Variants in PTPRN2 observed in about 807,000 individuals in gnomAD.
PTPRN2 encodes protein tyrosine phosphatase receptor type N2, also known as receptor-type tyrosine-protein phosphatase N2.
A neutral mutation model predicts 118.8 loss-of-function variants in PTPRN2; 74 were observed. That is an observed-to-expected ratio of 0.62 (90% CI 0.52 to 0.76). PTPRN2 has a LOEUF of 0.76. PTPRN2 is among the 30% of genes least tolerant of loss of function. PTPRN2 has a pLI of 0.00. For synonymous variants in PTPRN2, 641 were observed against 608.0 expected (o/e 1.05, Z -0.80); for missense variants, 1,481 against 1,394.4 (o/e 1.06, Z -0.99).
At chr7:158,100,141 C>T (rs1247540584) in intron 10 of PTPRN2, among the ~76,000 whole-genome samples, 1 of 151,828 alleles carries the variant, frequency 6.6e-6, no homozygotes, top group Non-Finnish European at 1.5e-5. Context: ...TTTGGTTTTC[C>T]ATTCCTGAGT....
chr7:157,775,472 C>T (rs1803145405), intron 12 of PTPRN2, among the ~76,000 whole-genome samples: 1 of 152,236 alleles, frequency 6.6e-6, no homozygotes, highest in African/African-American at 2.4e-5. Flanking sequence ...ACCCACAGGG[C>T]GGAGGCGGCA....
intron 3 of PTPRN2, among the ~76,000 whole-genome samples, chr7:158,315,263 CCCCCT>C (rs1802213255): frequency 9.1e-6 from 1 of 109,784 alleles, no homozygotes; most frequent in African/African-American, 3.4e-5. Context: ...GAACCCGGGA[CCCCCT>C]GAAGGACAGA....
chr7:157,675,897 A>T (rs989456572), intron 13 of PTPRN2, among the ~76,000 whole-genome samples: 2 of 152,186 alleles, frequency 1.3e-5, no homozygotes, highest in Non-Finnish European at 2.9e-5. Context: ...CCTTTCTTCC[A>T]TGAATTTCAC....
At chr7:158,211,727 G>A (rs933478111) in intron 3 of PTPRN2, among the ~76,000 whole-genome samples, 2 of 152,244 alleles carry the variant, frequency 1.3e-5, no homozygotes, top group Non-Finnish European at 2.9e-5. Context: ...AAATGCTGGC[G>A]AGGATATAGG....
chr7:158,133,143 A>T (rs558660558), intron 9 of PTPRN2, among the ~76,000 whole-genome samples: 24 of 152,278 alleles, frequency 1.6e-4, no homozygotes, highest in African/African-American at 5.8e-4. Flanking sequence ...CTTCCTTCTG[A>T]AGGGCGCCCA....
At chr7:158,377,990 T>C (rs1289991362) in intron 2 of PTPRN2, among the ~76,000 whole-genome samples, 1 of 152,140 alleles carries the variant, frequency 6.6e-6, no homozygotes, top group Admixed American at 6.5e-5. Context: ...TGGCGCTAGC[T>C]CCGGGTTTTC....
intron 6 of PTPRN2, among the ~76,000 whole-genome samples, chr7:158,164,982 C>A (rs1822797209): frequency 1.1e-5 from 1 of 92,838 alleles, no homozygotes; most frequent in African/African-American, 3.4e-5. Flanking sequence ...TGAAGACCCC[C>A]TGATAGCGTC....
At chr7:157,776,225 CCTT>C (rs1486632113) in intron 12 of PTPRN2, among the ~76,000 whole-genome samples, 34 of 140,626 alleles carry the variant, frequency 2.4e-4, no homozygotes, top group African/African-American at 6.1e-4. Flanking sequence ...TCCTCCTCCT[CCTT>C]CTCATCTTCC....
In PTPRN2 at chr7:158,298,495, A is replaced by G. The variant is rs1586166183; in HGVS notation, c.277+18324T>C. On this transcript the variant is annotated intron_variant, in intron 3 of 22. Transcript: ENST00000389418. ...CATGAAATTACTTGTGTTTCCTTAT[A>G]CCTTATATAGAAGGCCTGAAGGTAA... 2.6e-5 allele frequency among the ~76,000 whole-genome samples: 4 copies of G among 152,342 alleles called. No individual in the cohort carries two copies. In the Middle Eastern group the frequency reaches 0.014, roughly 518 times the overall value.
At chr7:158,150,047 G>C (rs1247632608) in intron 6 of PTPRN2, among the ~76,000 whole-genome samples, 1 of 152,232 alleles carries the variant, frequency 6.6e-6, no homozygotes, top group African/African-American at 2.4e-5. Context: ...TCAAGGGCAT[G>C]AATGATAAGA....
At chr7:158,096,668 A>G (rs915844825) in intron 10 of PTPRN2, among the ~76,000 whole-genome samples, 3 of 152,236 alleles carry the variant, frequency 2.0e-5, no homozygotes, top group African/African-American at 7.2e-5. Context: ...TGCTTGTAAT[A>G]TTCAGACAGG....
At chr7:158,424,948 T>C (rs182534235) in intron 2 of PTPRN2, among the ~76,000 whole-genome samples, 3 of 152,084 alleles carry the variant, frequency 2.0e-5, no homozygotes, top group Non-Finnish European at 2.9e-5. Context: ...TAATCTCCCA[T>C]ACCAGCTCAC....
intron 11 of PTPRN2, among the ~76,000 whole-genome samples, chr7:158,066,961 A>G (rs939221025): frequency 3.3e-5 from 5 of 152,172 alleles, no homozygotes; most frequent in African/African-American, 7.2e-5. Flanking sequence ...AATATCAGCA[A>G]ATCCCACAAA....
intron 2 of PTPRN2, among the ~76,000 whole-genome samples, chr7:158,329,747 A>G (rs1395583997): frequency 6.6e-6 from 1 of 152,194 alleles, no homozygotes; most frequent in Non-Finnish European, 1.5e-5. Context: ...AGGGAGGTTA[A>G]GGAACTTGCT....
intron 12 of PTPRN2, among the ~76,000 whole-genome samples, chr7:157,882,529 A>G (rs1796197797): frequency 1.3e-5 from 2 of 151,796 alleles, no homozygotes; most frequent in Non-Finnish European, 2.9e-5. Context: ...GTCAAAGACC[A>G]GAACATGCCA....
In PTPRN2 at chr7:157,764,363, G is replaced by A. The variant is rs1802323961; in HGVS notation, c.1789-81426C>T. ...CAATGGAAGAAAAGATAAACATCAT[G>A]TGGTCCACCCACACATGGGAATATT... On this transcript the variant is annotated intron_variant, in intron 12 of 22. Transcript: ENST00000389418. The surrounding 1 kb of genome is among the most constrained non-coding windows in gnomAD (Gnocchi z 4.5). 6.6e-6 allele frequency among the ~76,000 whole-genome samples: 1 copy of A among 152,240 alleles called. No individual in the cohort carries two copies. Among genetic ancestry groups the A allele is most frequent in the Non-Finnish European group, 1.5e-5 (1 of 68,052 alleles).
chr7:158,050,043 A>G (rs1430191098), intron 11 of PTPRN2, among the ~76,000 whole-genome samples: 1 of 152,196 alleles, frequency 6.6e-6, no homozygotes, highest in Non-Finnish European at 1.5e-5. Flanking sequence ...AGTGACCCCC[A>G]TTTTATTAGG....
intron 2 of PTPRN2, among the ~76,000 whole-genome samples, chr7:158,374,527 G>A (rs1199629568): frequency 2.6e-5 from 4 of 152,222 alleles, no homozygotes; most frequent in Non-Finnish European, 4.4e-5. Context: ...AATGTTTAGA[G>A]AGACTTTATT....
intron 13 of PTPRN2, among the ~76,000 whole-genome samples, chr7:157,658,053 ACACT>A (rs376576972): frequency 1.4e-3 from 210 of 149,244 alleles, no homozygotes; most frequent in African/African-American, 4.9e-3. Flanking sequence ...CACGCCACAA[ACACT>A]CACTCCTATA....
Sources: allele counts gnomAD v4.1 joint callset (sites outside exome capture counted in the v4.1 genomes callset), GRCh38; gene constraint gnomAD v4.1.1; non-coding constraint Gnocchi (gnomAD v3.1); transcripts MANE v1.5; gene names NCBI Gene and HGNC (gene_info 2026-07-23, HGNC 2026-07-21).